Variants in MXRA7 observed in about 807,000 individuals in gnomAD.
MXRA7 encodes the protein matrix-remodeling-associated protein 7.
MXRA7 carries 18 observed loss-of-function variants against 17.4 expected under a neutral mutation model. The observed-to-expected ratio is 1.03, with a 90% CI of 0.71 to 1.53. The LOEUF (loss-of-function observed/expected upper bound fraction) is 1.53. Among genes scored for constraint, MXRA7 ranks in the 40% most tolerant of loss-of-function variants. MXRA7 has a pLI of 0.00. For synonymous variants in MXRA7, 70 were observed against 101.7 expected, an observed-to-expected ratio of 0.69 and a Z score of 1.87; for missense variants, 141 against 209.3, an observed-to-expected ratio of 0.67 and a Z score of 2.01.
At chr17:76,684,761 A>G in intron 3 of MXRA7, 1 of 250,756 alleles carries the variant, frequency 4.0e-6, no homozygotes, top group Non-Finnish European at 6.7e-6. Flanking sequence ...CTGGCATCTC[A>G]TTTCTTTAGA....
At chr17:76,684,721 G>A (rs1407713923) in intron 3 of MXRA7, 1 of 425,354 alleles carries the variant, frequency 2.4e-6, no homozygotes, top group Admixed American at 3.2e-5. Flanking sequence ...GTGTGTGTGA[G>A]TGACAGCCAG....
At chr17:76,686,204 T>C (rs1371893185) in intron 2 of MXRA7, among the ~76,000 whole-genome samples, 1 of 151,930 alleles carries the variant, frequency 6.6e-6, no homozygotes. Flanking sequence ...TCTGGTTGGG[T>C]GTGGTGGCTC....
intron 1 of MXRA7, among the ~76,000 whole-genome samples, chr17:76,701,262 A>T (rs1306620086): frequency 1.3e-5 from 2 of 151,884 alleles, no homozygotes; most frequent in Non-Finnish European, 2.9e-5. Context: ...CTCTGGAGAG[A>T]GGTGACCAGA....
At chr17:76,685,416 C>T (rs979040254) in intron 2 of MXRA7, among the ~76,000 whole-genome samples, 2 of 152,220 alleles carry the variant, frequency 1.3e-5, no homozygotes, top group African/African-American at 4.8e-5. Context: ...ACATCCCTCC[C>T]AACATCTGCA....
intron 1 of MXRA7, among the ~76,000 whole-genome samples, chr17:76,706,536 T>C (rs1023611110): frequency 1.2e-4 from 18 of 152,200 alleles, no homozygotes; most frequent in African/African-American, 4.1e-4. Flanking sequence ...GATGGGGAAG[T>C]TCACCTGCTC....
intron 1 of MXRA7, among the ~76,000 whole-genome samples, chr17:76,701,713 T>C (rs1204564391): frequency 1.3e-5 from 2 of 152,064 alleles, no homozygotes; most frequent in Non-Finnish European, 2.9e-5. Flanking sequence ...ACAGGATCAC[T>C]GTTCCTGCGA....
At chr17:76,682,701 G>A (rs904281553) in intron 3 of MXRA7, among the ~76,000 whole-genome samples, 12 of 152,058 alleles carry the variant, frequency 7.9e-5, no homozygotes, top group African/African-American at 1.9e-4. Context: ...AGATGCCACC[G>A]GCATGCCTAG....
intron 1 of MXRA7, among the ~76,000 whole-genome samples, chr17:76,695,011 T>A (rs1322017071): frequency 6.6e-6 from 1 of 151,920 alleles, no homozygotes; most frequent in Non-Finnish European, 1.5e-5. Context: ...ATAAAAAAAA[T>A]TAGCTGGGCA....
chr17:76,702,019 C>T (rs772046816), intron 1 of MXRA7, among the ~76,000 whole-genome samples: 35 of 152,204 alleles, frequency 2.3e-4, no homozygotes, highest in Non-Finnish European at 4.6e-4. Flanking sequence ...GCAATCTGTA[C>T]TCTCCGCAAC....
At position 76,688,685 on chromosome 17, in the gene MXRA7, T is replaced by G; in HGVS notation, c.343-509A>C. On this transcript the variant is annotated intron_variant, in intron 1 of 3. Coordinates refer to ENST00000449428, the MANE Select transcript of MXRA7 (RefSeq NM_198530.4). Reference sequence around the variant, plus strand: ...GGAGCCCCACCTCTTCAGCCAGTTCTCTCCCACACAGAGACACAATAAACA... The same window carrying G: ...GGAGCCCCACCTCTTCAGCCAGTTCGCTCCCACACAGAGACACAATAAACA... 2 of 1,237,038 alleles carry G rather than the reference T, an allele frequency of 1.6e-6. 1 individual carries two copies. The allele number at this position is 1,237,038 out of a possible 1,614,324, so 76.6% of individuals were successfully genotyped here.
downstream of MXRA7, chr17:76,679,475 G>GT: frequency 2.6e-6 from 1 of 389,166 alleles, no homozygotes. Flanking sequence ...CTGCTGCAGA[G>GT]TAAGAGGCAT....
chr17:76,700,820 T>A (rs1259784754), intron 1 of MXRA7, among the ~76,000 whole-genome samples: 2 of 148,862 alleles, frequency 1.3e-5, no homozygotes, highest in East Asian at 4.0e-4. Flanking sequence ...AGAGAGAGAG[T>A]GGGCGGGCGG....
intron 1 of MXRA7, chr17:76,688,986 G>A (rs972185294): frequency 4.2e-5 from 8 of 191,666 alleles, no homozygotes; most frequent in Admixed American, 1.2e-4. Context: ...GAGCTGTGCC[G>A]GGAGGCAAAG....
At chr17:76,688,002 C>A in intron 2 of MXRA7, 111 bp downstream of exon 2, 3 of 838,570 alleles carry the variant, frequency 3.6e-6, no homozygotes, top group South Asian at 1.6e-5. Flanking sequence ...GCCACTGTCC[C>A]ACCCCATCCC....
intron 1 of MXRA7, among the ~76,000 whole-genome samples, chr17:76,697,254 G>C (rs2076542149): frequency 6.6e-6 from 1 of 152,184 alleles, no homozygotes; most frequent in South Asian, 2.1e-4. Context: ...ACAGAGGAAA[G>C]ACCATGTGAG....
At position 76,681,430 on chromosome 17, in the gene MXRA7, C is replaced by T. The variant is rs2076302033; in HGVS notation, c.501-551G>A. 6.6e-6 allele frequency among the ~76,000 whole-genome samples: 1 copy of T among 152,090 alleles called. No individual in the cohort carries two copies. The highest frequency in any genetic ancestry group is 2.4e-5 in the African/African-American group (1 of 41,396). On this transcript the variant is annotated intron_variant, in intron 3 of 3. Transcript: ENST00000449428. The surrounding 1 kb of genome is among the most constrained non-coding windows in gnomAD (Gnocchi z 4.7). ...CTCTGACGCCCTCTCCTGGTGGTCACAGTCAGCACGCATTTCCAGCCTGAG... is the reference window on the plus strand; with the variant it reads ...CTCTGACGCCCTCTCCTGGTGGTCATAGTCAGCACGCATTTCCAGCCTGAG...
chr17:76,697,176 A>G (rs1302185014), intron 1 of MXRA7, among the ~76,000 whole-genome samples: 1 of 152,202 alleles, frequency 6.6e-6, no homozygotes, highest in Non-Finnish European at 1.5e-5. Context: ...GGTGGGCCCT[A>G]ACCCAAGGAC....
At chr17:76,695,377 T>TGTGTGTGTGC (rs778832311) in intron 1 of MXRA7, among the ~76,000 whole-genome samples, 1 of 151,524 alleles carries the variant, frequency 6.6e-6, no homozygotes, top group Admixed American at 6.6e-5. Context: ...TGTGTGTGTG[T>TGTGTGTGTGC]GCAACGGGAT....
intron 2 of MXRA7, among the ~76,000 whole-genome samples, chr17:76,686,451 G>T (rs1005281765): frequency 6.6e-6 from 1 of 152,134 alleles, no homozygotes; most frequent in Admixed American, 6.5e-5. Flanking sequence ...CTGTACTCCA[G>T]CCTGGGCAAT....
Sources: allele counts gnomAD v4.1 joint callset (sites outside exome capture counted in the v4.1 genomes callset), GRCh38; gene constraint gnomAD v4.1.1; non-coding constraint Gnocchi (gnomAD v3.1); transcripts MANE v1.5; gene names NCBI Gene and HGNC (gene_info 2026-07-23, HGNC 2026-07-21).